The following HMGB1 variants were observed in gnomAD, a reference collection of about 807,000 sequenced individuals.
HMGB1 encodes the protein high mobility group box 1, also known as high mobility group protein B1.
For synonymous variants in HMGB1, 81 were observed against 84.0 expected, an observed-to-expected ratio of 0.96 and a Z score of 0.19; for missense variants, 79 against 253.5, an observed-to-expected ratio of 0.31 and a Z score of 4.67.
chr13:30,521,187 C>A (rs931242512), intron 1 of HMGB1, among the ~76,000 whole-genome samples: 6 of 152,132 alleles, frequency 3.9e-5, no homozygotes, highest in Admixed American at 3.9e-4. Flanking sequence ...TATCAATGGC[C>A]TTTGTGTTGC....
chr13:30,476,118 C>CTTTTTTTTTTTTT (rs71093065), intron 1 of HMGB1, among the ~76,000 whole-genome samples: 1 of 109,496 alleles, frequency 9.1e-6, no homozygotes. Context: ...GTGGCATGTA[C>CTTTTTTTTTTTTT]TTTTTTTTTT....
At chr13:30,505,425 A>G (rs190831605) in intron 1 of HMGB1, among the ~76,000 whole-genome samples, 76 of 152,112 alleles carry the variant, frequency 5.0e-4, no homozygotes, top group South Asian at 4.6e-3. Context: ...TGATCAGCCC[A>G]CCTTGACCTC....
At chr13:30,526,750 C>A (rs377728936) in intron 1 of HMGB1, among the ~76,000 whole-genome samples, 4 of 152,350 alleles carry the variant, frequency 2.6e-5, no homozygotes, top group African/African-American at 4.8e-5. Context: ...CCCAAGACAA[C>A]CAGAAAGGGG....
intron 1 of HMGB1, among the ~76,000 whole-genome samples, chr13:30,524,337 T>TAAAAAAAAAA (rs756389867): frequency 2.7e-4 from 13 of 47,394 alleles, no homozygotes; most frequent in East Asian, 9.7e-4. Flanking sequence ...TAAAGTATAT[T>TAAAAAAAAAA]AAAAAAAAAA....
chr13:30,503,286 G>A (rs1394584720), intron 1 of HMGB1, among the ~76,000 whole-genome samples: 1 of 151,980 alleles, frequency 6.6e-6, no homozygotes, highest in African/African-American at 2.4e-5. Flanking sequence ...GGAGCTTGCA[G>A]TGAGCCGAGA....
At chr13:30,488,238 G>A (rs1018660845) in intron 1 of HMGB1, among the ~76,000 whole-genome samples, 4 of 152,006 alleles carry the variant, frequency 2.6e-5, no homozygotes, top group Admixed American at 6.6e-5. Context: ...AATTATAGCC[G>A]ACCAGTAAAC....
At position 30,506,245 on chromosome 13, in the gene HMGB1, G is replaced by A. The variant is rs1887864220; in HGVS notation, c.-14-42551C>T. Among the ~76,000 whole-genome samples, 3 of 152,132 alleles carry A rather than the reference G, an allele frequency of 2.0e-5. No individual in the cohort carries two copies. In the South Asian group the frequency reaches 6.2e-4, roughly 32 times the overall value. On this transcript the variant is annotated intron_variant, in intron 1 of 4. Transcript: ENST00000405805. ...GGAATGAGCTGAGTGGGCAGGGGTG[G>A]CGTCTTGGGTGGAAGCATTTGAGAT... is the stretch of plus-strand genomic sequence containing the variant.
intron 1 of HMGB1, chr13:30,553,930 C>T (rs1352369108): frequency 2.1e-5 from 31 of 1,443,086 alleles, no homozygotes; most frequent in South Asian, 3.4e-5. Context: ...ATCTTAACAC[C>T]GGGTCCACTT....
intron 1 of HMGB1, among the ~76,000 whole-genome samples, chr13:30,479,410 C>T (rs578160170): frequency 1.3e-5 from 2 of 152,306 alleles, no homozygotes; most frequent in South Asian, 4.1e-4. Context: ...AGTTTGCCCT[C>T]TAAACCTTAC....
At chr13:30,521,317 T>C (rs1380339925) in intron 1 of HMGB1, among the ~76,000 whole-genome samples, 1 of 152,234 alleles carries the variant, frequency 6.6e-6, no homozygotes, top group Non-Finnish European at 1.5e-5. Flanking sequence ...TAATCAATTT[T>C]AGTACAATTT....
intron 1 of HMGB1, among the ~76,000 whole-genome samples, chr13:30,610,526 T>C (rs1950503990): frequency 6.6e-6 from 1 of 152,188 alleles, no homozygotes; most frequent in African/African-American, 2.4e-5. Flanking sequence ...GAATTTCATT[T>C]CACACATGGA....
chr13:30,482,119 ATAT>A (rs1397317089), intron 1 of HMGB1, among the ~76,000 whole-genome samples: 1 of 152,228 alleles, frequency 6.6e-6, no homozygotes, highest in African/African-American at 2.4e-5. Flanking sequence ...CTGTAGACAC[ATAT>A]TATTGTCACA....
chr13:30,471,506 C>T (rs1211588748), intron 1 of HMGB1, among the ~76,000 whole-genome samples: 1 of 151,052 alleles, frequency 6.6e-6, no homozygotes, highest in Non-Finnish European at 1.5e-5. Flanking sequence ...GGCCACCACA[C>T]CTGGCTAATT....
chr13:30,465,179 T>TCCCCCCGCCGCCCGGCCGCCGCC (rs1886687879), intron 1 of HMGB1: 1 of 928,956 alleles, frequency 1.1e-6, no homozygotes, highest in Non-Finnish European at 1.3e-6. Context: ...GCGGCGCCGC[T>TCCCCCCGCCGCCCGGCCGCCGCC]CCCCCCGCCG....
intron 1 of HMGB1, among the ~76,000 whole-genome samples, chr13:30,473,209 G>A (rs546623369): frequency 3.9e-5 from 6 of 152,108 alleles, no homozygotes; most frequent in African/African-American, 7.2e-5. Context: ...CGAGTTTTCC[G>A]GGGGGAAATC....
intron 2 of HMGB1, 28 bp downstream of exon 2, chr13:30,463,503 C>T: frequency 1.3e-6 from 2 of 1,594,526 alleles, no homozygotes; most frequent in Non-Finnish European, 1.7e-6. Context: ...TTTTAATTAC[C>T]TTGTTAGCAT....
chr13:30,466,296 T>TCCC (rs59963662), upstream of HMGB1, among the ~76,000 whole-genome samples: 3 of 145,552 alleles, frequency 2.1e-5, no homozygotes, highest in South Asian at 2.2e-4. Context: ...CCCACAGGTC[T>TCCC]CCCCCCCCCT....
rs563353765 is a variant in HMGB1, at chr13:30,549,758, CCAGG to C, written c.-15+66909_-15+66912del. Among the ~76,000 whole-genome samples the C allele has an allele frequency of 1.3e-4, 19 of 151,440 alleles. No homozygotes were observed. The East Asian group carries it at 3.7e-3, about 30-fold the overall frequency. On this transcript the variant is annotated intron_variant, in intron 1 of 4. Coordinates refer to the HMGB1 transcript ENST00000405805. ...GTCTTGCTCCATCTCAGCCTGCACGCCAGGCTGGAATGCAGTGGCATGATCTCGA... is the reference window on the plus strand; with the variant it reads ...GTCTTGCTCCATCTCAGCCTGCACGCCTGGAATGCAGTGGCATGATCTCGA...
At chr13:30,465,267 TCGCCCGCCGCGGCGCCC>T (rs1238191394) in intron 1 of HMGB1, 5 of 91,250 alleles carry the variant, frequency 5.5e-5, no homozygotes, top group Non-Finnish European at 8.3e-5. Context: ...CGCGCCGCCC[TCGCCCGCCGCGGCGCCC>T]CGCCCGCCCC....
Sources: gnomAD v4.1 joint callset for allele counts (sites outside exome capture counted in the v4.1 genomes callset) on GRCh38, gnomAD v4.1.1 for gene constraint, MANE v1.5 for transcripts, NCBI Gene and HGNC (gene_info 2026-07-23, HGNC 2026-07-21) for gene names.